Variants in CFAP299 observed in about 807,000 individuals in gnomAD.
CFAP299 encodes the protein cilia- and flagella-associated protein 299.
CFAP299 carries 21 observed loss-of-function variants against 27.0 expected under a neutral mutation model. The observed-to-expected ratio is 0.78, with a 90% CI of 0.55 to 1.12. The LOEUF (loss-of-function observed/expected upper bound fraction) is 1.12. Ranked by LOEUF, CFAP299 falls within the 50% of genes most tolerant of loss-of-function variation. CFAP299 has a pLI of 0.00. For missense variants in CFAP299, 310 were observed against 276.6 expected (o/e 1.12, Z -0.86); for synonymous variants, 104 against 98.1 (o/e 1.06, Z -0.36).
At chr4:80,857,022 C>A (rs1731948280) in intron 3 of CFAP299, among the ~76,000 whole-genome samples, 1 of 152,028 alleles carries the variant, frequency 6.6e-6, no homozygotes, top group Non-Finnish European at 1.5e-5. Context: ...GATATTGATT[C>A]TTCCTACCCA....
chr4:80,558,367 T>G (rs1734883615), intron 2 of CFAP299, among the ~76,000 whole-genome samples: 1 of 124,840 alleles, frequency 8.0e-6, no homozygotes, highest in South Asian at 3.0e-4. Flanking sequence ...TGTTTGTTTG[T>G]TTTTTTTTTG....
chr4:80,567,232 T>G (rs1735345752), intron 2 of CFAP299, among the ~76,000 whole-genome samples: 1 of 151,898 alleles, frequency 6.6e-6, no homozygotes, highest in African/African-American at 2.4e-5. Context: ...TACTGTACAT[T>G]TGATAATTTA....
Position 80,444,007 on chromosome 4 carries a change from C to A in CFAP299, c.242+81123C>A, listed in dbSNP as rs557337816. Among the ~76,000 whole-genome samples, 16 of 152,202 alleles carry A rather than the reference C, an allele frequency of 1.1e-4. No homozygotes were observed. In the South Asian group the frequency reaches 3.1e-3, roughly 30 times the overall value. On this transcript the variant is annotated intron_variant, in intron 2 of 5. Coordinates refer to ENST00000358105, the MANE Select transcript of CFAP299 (RefSeq NM_152770.3). ...GGACCTCTTCAAGGAGAACGACAAA[C>A]CACTGCTCAAGGAAACAAGAGAGGA...
chr4:80,504,228 T>C (rs1731882643), intron 2 of CFAP299, among the ~76,000 whole-genome samples: 3 of 151,460 alleles, frequency 2.0e-5, no homozygotes, highest in African/African-American at 7.3e-5. Context: ...GAGAGCCTGG[T>C]AAGCATGAGG....
chr4:80,902,586 T>TATATACACACACACAC (rs370673737), intron 4 of CFAP299, among the ~76,000 whole-genome samples: 23 of 126,698 alleles, frequency 1.8e-4, no homozygotes, highest in Middle Eastern at 4.1e-3. Context: ...ATGTAATATA[T>TATATACACACACACAC]ACACACACAC....
At chr4:80,402,020 T>C (rs1726188566) in intron 2 of CFAP299, among the ~76,000 whole-genome samples, 1 of 152,184 alleles carries the variant, frequency 6.6e-6, no homozygotes, top group Non-Finnish European at 1.5e-5. Context: ...GTAACCCCTT[T>C]GTTTTGGCCA....
At chr4:80,718,656 G>A (rs564472168) in intron 3 of CFAP299, among the ~76,000 whole-genome samples, 3 of 152,012 alleles carry the variant, frequency 2.0e-5, no homozygotes, top group South Asian at 4.1e-4. Context: ...AAAGTATTAC[G>A]ACAACTCTCC....
intron 1 of CFAP299, among the ~76,000 whole-genome samples, chr4:80,354,354 G>A (rs918459341): frequency 6.6e-6 from 1 of 152,138 alleles, no homozygotes; most frequent in African/African-American, 2.4e-5. Flanking sequence ...AGGTGTTCAA[G>A]ATGTACAGTT....
intron 2 of CFAP299, among the ~76,000 whole-genome samples, chr4:80,426,521 G>C (rs1054427015): frequency 6.6e-6 from 1 of 152,142 alleles, no homozygotes; most frequent in African/African-American, 2.4e-5. Context: ...AGCATTGCTG[G>C]TTTGAGGTTT....
At chr4:80,396,601 T>A (rs1725811063) in intron 2 of CFAP299, among the ~76,000 whole-genome samples, 1 of 152,180 alleles carries the variant, frequency 6.6e-6, no homozygotes. Flanking sequence ...AGCTGCCTAG[T>A]TTGATTTCTT....
intron 3 of CFAP299, among the ~76,000 whole-genome samples, chr4:80,625,732 G>A (rs1174451513): frequency 6.6e-6 from 1 of 151,984 alleles, no homozygotes; most frequent in East Asian, 1.9e-4. Flanking sequence ...ACAAACTGGA[G>A]TGGCCATTCT....
At chr4:80,771,466 CAT>C (rs2062059225) in intron 3 of CFAP299, among the ~76,000 whole-genome samples, 1 of 150,876 alleles carries the variant, frequency 6.6e-6, no homozygotes, top group Non-Finnish European at 1.5e-5. Flanking sequence ...TGAATAAAAT[CAT>C]AACATGTTCT....
At chr4:80,454,450 G>A (rs1578463230) in intron 2 of CFAP299, among the ~76,000 whole-genome samples, 1 of 152,268 alleles carries the variant, frequency 6.6e-6, no homozygotes, top group East Asian at 1.9e-4. Context: ...GGTGCCCAGA[G>A]CAAATACCTC....
intron 3 of CFAP299, among the ~76,000 whole-genome samples, chr4:80,761,384 A>G (rs1348161021): frequency 1.3e-5 from 2 of 152,106 alleles, no homozygotes; most frequent in Non-Finnish European, 2.9e-5. Flanking sequence ...ATAAACTAAG[A>G]GACAGTGGAA....
At chr4:80,753,728 C>A (rs1725069086) in intron 3 of CFAP299, among the ~76,000 whole-genome samples, 1 of 151,960 alleles carries the variant, frequency 6.6e-6, no homozygotes, top group Non-Finnish European at 1.5e-5. Context: ...ATTGAATTTT[C>A]TTCAAGTTCA....
intron 3 of CFAP299, among the ~76,000 whole-genome samples, chr4:80,808,546 T>G (rs1221209636): frequency 1.3e-5 from 2 of 152,082 alleles, no homozygotes; most frequent in Non-Finnish European, 2.9e-5. Context: ...TTTATTGAAT[T>G]TTGTGAAGTG....
chr4:80,730,258 G>A (rs1020228928), intron 3 of CFAP299, among the ~76,000 whole-genome samples: 1 of 148,406 alleles, frequency 6.7e-6, no homozygotes, highest in African/African-American at 2.5e-5. Context: ...CTGTGTGTGT[G>A]TGTGTGTGTG....
intron 3 of CFAP299, among the ~76,000 whole-genome samples, chr4:80,739,596 T>G (rs1053885849): frequency 1.3e-5 from 2 of 152,134 alleles, no homozygotes; most frequent in Admixed American, 6.6e-5. Context: ...TCTTTTCTCT[T>G]GCTAATTTTA....
At chr4:80,717,052 A>G (rs1389383285) in intron 3 of CFAP299, among the ~76,000 whole-genome samples, 1 of 152,146 alleles carries the variant, frequency 6.6e-6, no homozygotes, top group African/African-American at 2.4e-5. Context: ...TGAGTAACCA[A>G]TGTTGTGTAA....
Sources: gnomAD v4.1 joint callset for allele counts (sites outside exome capture counted in the v4.1 genomes callset) on GRCh38, gnomAD v4.1.1 for gene constraint, MANE v1.5 for transcripts, NCBI Gene and HGNC (gene_info 2026-07-23, HGNC 2026-07-21) for gene names.